ZNF141: variants seen among roughly 807,000 people sequenced by gnomAD.
The protein encoded by ZNF141 is zinc finger protein 141, also known as zinc finger protein 141 (clone pHZ-44).
ZNF141 carries 7 observed loss-of-function variants against 11.3 expected under a neutral mutation model. That is an observed-to-expected ratio of 0.62 (90% CI 0.35 to 1.16). The LOEUF (loss-of-function observed/expected upper bound fraction) is 1.16. ZNF141 is among the 50% of genes most tolerant of loss of function. The pLI is 0.02. For synonymous variants in ZNF141, 183 were observed against 190.7 expected (o/e 0.96, Z 0.33); for missense variants, 535 against 554.0 (o/e 0.97, Z 0.34).
intron 3 of ZNF141, among the ~76,000 whole-genome samples, chr4:362,316 C>G (rs895166010): frequency 1.3e-5 from 2 of 152,114 alleles, no homozygotes; most frequent in Non-Finnish European, 2.9e-5. Flanking sequence ...AATTTTCTCC[C>G]ATTCTGTAGG....
At position 380,135 on chromosome 4, in the gene ZNF141, A is replaced by C. The variant is rs1167139306; in HGVS notation, c.*6273A>C. 3.3e-5 allele frequency among the ~76,000 whole-genome samples: 5 copies of C among 152,140 alleles called. No individual in the cohort carries two copies. Among genetic ancestry groups the C allele is most frequent in the African/African-American group, 1.2e-4 (5 of 41,450 alleles). On this transcript the variant is annotated 3_prime_UTR_variant, in exon 4 of 4. Transcript: ENST00000240499. ...ACTTAGCATAGTGTCTTCCACATTT[A>C]TCCACATTGTTTCAAATGAAAAGAT...
intron 3 of ZNF141, among the ~76,000 whole-genome samples, chr4:349,597 T>C (rs539624326): frequency 4.6e-5 from 7 of 152,324 alleles, no homozygotes; most frequent in Middle Eastern, 6.8e-3. Flanking sequence ...TTTCACAGTT[T>C]GTATAAACTA....
intron 3 of ZNF141, among the ~76,000 whole-genome samples, chr4:352,444 T>A (rs1175941557): frequency 6.6e-6 from 1 of 152,012 alleles, no homozygotes; most frequent in African/African-American, 2.4e-5. Flanking sequence ...CAAAATCAGA[T>A]TCAGGATTGG....
In ZNF141 at chr4:377,185, C is replaced by A. The variant is rs1712413427; in HGVS notation, c.*3323C>A. 2.6e-5 allele frequency among the ~76,000 whole-genome samples: 4 copies of A among 151,932 alleles called. No individual in the cohort carries two copies. Among genetic ancestry groups the A allele is most frequent in the Admixed American group, 2.6e-4 (4 of 15,252 alleles). The stretch of plus-strand genomic sequence containing the variant: ...ATTGACATAAATGAGTTTATTTTGC[C>A]AATTTGTTCAGGTAAGTACTTGGAA... On this transcript the variant is annotated 3_prime_UTR_variant, in exon 4 of 4. Coordinates refer to ENST00000240499, the MANE Select transcript of ZNF141 (RefSeq NM_003441.4).
At position 382,998 on chromosome 4, in the gene ZNF141, C is replaced by T; in HGVS notation, c.*9136C>T. 1 of 517,182 alleles carries T rather than the reference C, an allele frequency of 1.9e-6. No individual in the cohort carries two copies. The highest frequency in any genetic ancestry group is 3.0e-5 in the South Asian group (1 of 32,886). The allele number at this position is 517,182 out of a possible 1,614,324, so 32.0% of individuals were successfully genotyped here. On this transcript the variant is annotated 3_prime_UTR_variant, in exon 4 of 4. Transcript: ENST00000240499. ...CTATCAAGAGACAGATTCTGTTTCC[C>T]AAACCTTGAACTTCTCTTGACTTAT...
chr4:372,342 C>T (rs1553853678), intron 3 of ZNF141, among the ~76,000 whole-genome samples: 2 of 152,222 alleles, frequency 1.3e-5, no homozygotes, highest in South Asian at 2.1e-4. Context: ...TGATACTTCA[C>T]TCCTAATGGC....
chr4:348,316 A>T (rs1721435285), intron 3 of ZNF141, among the ~76,000 whole-genome samples: 1 of 152,126 alleles, frequency 6.6e-6, no homozygotes, highest in Non-Finnish European at 1.5e-5. Context: ...AAAAAAAGTT[A>T]TTGCCGAGAC....
intron 1 of ZNF141, chr4:338,677 T>A (rs1176326949): frequency 6.5e-6 from 1 of 153,114 alleles, no homozygotes; most frequent in Non-Finnish European, 1.5e-5. Context: ...TGTAGACAGG[T>A]GTTCAGAAAT....
chr4:372,066 T>C (rs1712092652), intron 3 of ZNF141, among the ~76,000 whole-genome samples: 1 of 152,246 alleles, frequency 6.6e-6, no homozygotes, highest in Non-Finnish European at 1.5e-5. Flanking sequence ...TGTTTATTTT[T>C]CAGTTAAAAG....
intron 3 of ZNF141, among the ~76,000 whole-genome samples, chr4:347,717 C>T (rs1355780192): frequency 6.7e-6 from 1 of 149,160 alleles, no homozygotes; most frequent in African/African-American, 2.5e-5. Flanking sequence ...TACAAGATTT[C>T]CCTTGTATGT....
At chr4:346,755 A>G (rs1477876196) in intron 3 of ZNF141, among the ~76,000 whole-genome samples, 6 of 152,098 alleles carry the variant, frequency 3.9e-5, no homozygotes, top group Non-Finnish European at 4.4e-5. Context: ...TTCATTTAGC[A>G]TAATGCCCTC....
At chr4:366,174 CTT>C (rs1711731793) in intron 3 of ZNF141, among the ~76,000 whole-genome samples, 1 of 152,072 alleles carries the variant, frequency 6.6e-6, no homozygotes, top group South Asian at 2.1e-4. Context: ...TGAAAAAAGT[CTT>C]TGGTATTTTG....
rs530751378 is a variant in ZNF141 at position 337,851 on chromosome 4, G to A, written c.-133G>A. 8.9e-5 allele frequency: 111 copies of A among 1,240,928 alleles called. No homozygotes were observed. In the Admixed American group the frequency reaches 9.0e-4, roughly 10 times the overall value. 76.9% of individuals were successfully genotyped at this position (1,240,928 alleles called of 1,614,324 possible). A position where few individuals can be genotyped will look rare whatever the true frequency, so the allele number is the denominator to read the frequency against. Reference sequence around the variant, plus strand: ...GGCTACTACCAGACCGCGGGTTAGGGGCTTCATCTCTCTGCGTTCTCAGTT... The same window carrying A: ...GGCTACTACCAGACCGCGGGTTAGGAGCTTCATCTCTCTGCGTTCTCAGTT... On this transcript the variant is annotated 5_prime_UTR_variant, in exon 1 of 4. Coordinates refer to ENST00000240499, the MANE Select transcript of ZNF141 (RefSeq NM_003441.4).
chr4:357,860 C>T (rs1477005232), intron 3 of ZNF141, among the ~76,000 whole-genome samples: 1 of 151,758 alleles, frequency 6.6e-6, no homozygotes, highest in Non-Finnish European at 1.5e-5. Context: ...CGCGCGCCAC[C>T]ACGCCCGACT....
intron 1 of ZNF141, chr4:343,048 C>T (rs1353155690): frequency 1.4e-6 from 1 of 700,448 alleles, no homozygotes; most frequent in Admixed American, 2.8e-5. Flanking sequence ...AAAAAAGTTC[C>T]TTGCATGATT....
At position 380,166 on chromosome 4, in the gene ZNF141, C is replaced by T. The variant is rs1034967603; in HGVS notation, c.*6304C>T. ...ATTGTTTCAAATGAAAAGATTTCCT[C>T]CCTTTTAACGTTGAATTGTATTTCC... On this transcript the variant is annotated 3_prime_UTR_variant, in exon 4 of 4. Coordinates refer to ENST00000240499, the MANE Select transcript of ZNF141 (RefSeq NM_003441.4). Among the ~76,000 whole-genome samples, 12 of 152,152 alleles carry T rather than the reference C, an allele frequency of 7.9e-5. No homozygotes were observed. The highest frequency in any genetic ancestry group is 2.4e-4 in the African/African-American group (10 of 41,438).
In ZNF141 at chr4:381,946, CTTTTT is replaced by C. The variant is rs34905613; in HGVS notation, c.*8099_*8103del. Among the ~76,000 whole-genome samples the C allele has an allele frequency of 9.4e-6, 1 of 105,934 alleles. No homozygotes were observed. The highest frequency in any genetic ancestry group is 2.6e-4 in the East Asian group (1 of 3,806). 69.5% of individuals were successfully genotyped at this position (105,934 alleles called of 152,430 possible). A position where few individuals can be genotyped will look rare whatever the true frequency, so the allele number is the denominator to read the frequency against. The stretch of plus-strand genomic sequence containing the variant: ...CTAGGGCCACCACCATCTCTGGGAA[CTTTTT>C]TTTTTTTTTTTTTTGAGACGGAGTC... On this transcript the variant is annotated 3_prime_UTR_variant, in exon 4 of 4. Transcript: ENST00000240499.
chr4:373,381 A>G lies in ZNF141; in HGVS notation c.944A>G (p.Glu315Gly). 1 of 1,614,050 alleles carries G rather than the reference A, an allele frequency of 6.2e-7. No homozygotes were observed. The highest frequency in any genetic ancestry group is 8.5e-7 in the Non-Finnish European group (1 of 1,179,942). Residue 315 changes from glutamate (E) to glycine (G), a missense_variant, in exon 4 of 4, where the codon GAA (glutamate) becomes GGA (glycine). Coordinates refer to ENST00000240499, the MANE Select transcript of ZNF141 (RefSeq NM_003441.4). ...GGAGAGAAACCCTACAAATGTGAAG[A>G]ATGTGGCAAAGCCTTTAATAGGTCC... Reference protein sequence around the residue: ...HTGEKPYKCEECGKAFNRSTT... With the variant: ...HTGEKPYKCEGCGKAFNRSTT...
Position 360,005 on chromosome 4 carries a change from TAAACA to T in ZNF141, c.227-12654_227-12650del, listed in dbSNP as rs1366122048. On this transcript the variant is annotated intron_variant, in intron 3 of 3. Coordinates refer to ENST00000240499, the MANE Select transcript of ZNF141 (RefSeq NM_003441.4). ...GTCTTGGCAGATGGTGCTAGTGGCATAAACAAAACCAAATGATAGCTATGTTTACA... is the reference window on the plus strand; with the variant it reads ...GTCTTGGCAGATGGTGCTAGTGGCATAAACCAAATGATAGCTATGTTTACA... 5.9e-5 allele frequency among the ~76,000 whole-genome samples: 9 copies of T among 152,286 alleles called. No individual in the cohort carries two copies. The East Asian group carries it at 1.5e-3, about 26-fold the overall frequency.
Sources: allele counts gnomAD v4.1 joint callset (sites outside exome capture counted in the v4.1 genomes callset), GRCh38; gene constraint gnomAD v4.1.1; transcripts MANE v1.5; gene names NCBI Gene and HGNC (gene_info 2026-07-23, HGNC 2026-07-21).